PRKCZ: variants seen among roughly 807,000 people sequenced by gnomAD.
PRKCZ encodes protein kinase C zeta type.
In PRKCZ, 33 loss-of-function variants were observed where a neutral mutation model predicts 79.5. The ratio of observed to expected loss-of-function variants is 0.41; its 90% confidence interval spans 0.31 to 0.55. The LOEUF (loss-of-function observed/expected upper bound fraction) is 0.55, where lower values mean the gene tolerates loss of function less well. Ranked by LOEUF, PRKCZ falls within the 20% of genes least tolerant of loss-of-function variation. The pLI, the probability that PRKCZ is intolerant of heterozygous loss-of-function variation, is 0.19. For synonymous variants in PRKCZ, 342 were observed against 320.9 expected, an observed-to-expected ratio of 1.07 and a Z score of -0.70; for missense variants, 578 against 813.5, an observed-to-expected ratio of 0.71 and a Z score of 3.52.
intron 4 of PRKCZ, among the ~76,000 whole-genome samples, chr1:2,109,037 C>A (rs565663154): frequency 2.0e-5 from 3 of 152,206 alleles, no homozygotes; most frequent in Non-Finnish European, 4.4e-5. Flanking sequence ...ATACAGCCGC[C>A]CCCCCATCCC....
intron 3 of PRKCZ, 28 bp from the exon 4 acceptor site, chr1:2,059,513 A>T (rs776973656): frequency 3.1e-6 from 5 of 1,613,634 alleles, no homozygotes; most frequent in Non-Finnish European, 4.2e-6. Context: ...CAGGGTCTTG[A>T]CGCTGTCTCT....
intron 1 of PRKCZ, among the ~76,000 whole-genome samples, chr1:2,054,207 G>C (rs545668026): frequency 1.3e-5 from 2 of 152,354 alleles, no homozygotes; most frequent in South Asian, 4.1e-4. Flanking sequence ...TGTATCTCTG[G>C]TTGGGACATC....
chr1:2,176,248 G>A (rs554781923), intron 16 of PRKCZ, among the ~76,000 whole-genome samples: 5 of 152,288 alleles, frequency 3.3e-5, no homozygotes, highest in Middle Eastern at 3.4e-3. Flanking sequence ...GGAGGGGGCC[G>A]AATGTCCCGA....
intron 5 of PRKCZ, among the ~76,000 whole-genome samples, chr1:2,138,917 G>A (rs754127265): frequency 1.3e-5 from 2 of 152,224 alleles, no homozygotes; most frequent in Non-Finnish European, 2.9e-5. Flanking sequence ...GTGAGACTCC[G>A]TCTCAAATAA....
intron 4 of PRKCZ, among the ~76,000 whole-genome samples, chr1:2,104,365 G>A (rs1424074566): frequency 6.6e-6 from 1 of 152,230 alleles, no homozygotes; most frequent in Non-Finnish European, 1.5e-5. Flanking sequence ...GTTACGGCTG[G>A]TGGTTGGATA....
Position 2,064,977 on chromosome 1 carries a change from A to G in PRKCZ, c.334+5386A>G, listed in dbSNP as rs568185502. Among the ~76,000 whole-genome samples the G allele has an allele frequency of 3.2e-4, 48 of 152,326 alleles. No individual in the cohort carries two copies. The South Asian group carries it at 3.5e-3, about 11-fold the overall frequency. Reference sequence around the variant, plus strand: ...TTAACAGTATGAAGACTTCCAATCCATGAACTGAAGTGTGTTTCTGTTTGT... The same window carrying G: ...TTAACAGTATGAAGACTTCCAATCCGTGAACTGAAGTGTGTTTCTGTTTGT... On this transcript the variant is annotated intron_variant, in intron 4 of 17. Transcript: ENST00000378567.
intron 7 of PRKCZ, among the ~76,000 whole-genome samples, chr1:2,146,416 A>T (rs1678535057): frequency 6.6e-6 from 1 of 152,140 alleles, no homozygotes; most frequent in East Asian, 1.9e-4. Context: ...GGAGTTCTCG[A>T]AGGCACTTAG....
chr1:2,164,403 G>A (rs1220453091), intron 10 of PRKCZ, among the ~76,000 whole-genome samples: 1 of 152,230 alleles, frequency 6.6e-6, no homozygotes, highest in African/African-American at 2.4e-5. Context: ...GGGCCACACT[G>A]TGACTGTCGG....
chr1:2,159,831 G>A (rs1681856421), intron 10 of PRKCZ, among the ~76,000 whole-genome samples: 1 of 152,144 alleles, frequency 6.6e-6, no homozygotes, highest in South Asian at 2.1e-4. Flanking sequence ...ATTGAAATGA[G>A]CCATAAAGTC....
At chr1:2,069,743 T>A (rs898958619) in intron 4 of PRKCZ, among the ~76,000 whole-genome samples, 6 of 152,140 alleles carry the variant, frequency 3.9e-5, no homozygotes, top group Admixed American at 3.9e-4. Flanking sequence ...TGTTTCTAGA[T>A]GGCCGGGCCC....
chr1:2,173,903 G>A lies in PRKCZ; in HGVS notation c.1292G>A (p.Ser431Asn). The A allele has an allele frequency of 1.2e-6, 2 of 1,610,336 alleles. No individual in the cohort carries two copies. The highest frequency in any genetic ancestry group is 1.7e-6 in the Non-Finnish European group (2 of 1,177,966). Residue 431 changes from serine (S) to asparagine (N), a missense_variant, in exon 14 of 18, where the codon AGC (serine) becomes AAC (asparagine). This residue lies in a region of PRKCZ where 243 missense variants were observed against 467.0 expected (regional missense o/e 0.52). Coordinates refer to ENST00000378567, the MANE Select transcript of PRKCZ (RefSeq NM_002744.6). This position sits in a 1 kb window ranked among gnomAD's most constrained non-coding sequence, Gnocchi z 5.7. ...EILRGEEYGFSVDWWALGVLM... is the reference protein window; with the variant it reads ...EILRGEEYGFNVDWWALGVLM... ...GCTGTGTGCTCTCCCCCAGGGTTCA[G>A]CGTGGACTGGTGGGCGCTGGGAGTC...
intron 4 of PRKCZ, among the ~76,000 whole-genome samples, chr1:2,064,191 G>A (rs1270397119): frequency 6.6e-6 from 1 of 152,182 alleles, no homozygotes; most frequent in African/African-American, 2.4e-5. Context: ...GTCTTTTCGC[G>A]TCCTGTGTCC....
intron 1 of PRKCZ, among the ~76,000 whole-genome samples, chr1:2,053,137 G>T (rs1403954192): frequency 1.3e-5 from 2 of 148,604 alleles, no homozygotes; most frequent in Non-Finnish European, 3.0e-5. Context: ...TTTGAGTCTC[G>T]CTGTGTTGCC....
intron 4 of PRKCZ, among the ~76,000 whole-genome samples, chr1:2,089,165 G>A (rs1665045836): frequency 6.6e-6 from 1 of 152,200 alleles, no homozygotes; most frequent in Non-Finnish European, 1.5e-5. Context: ...GGTCAGCTCT[G>A]GTTTTAGAAC....
intron 1 of PRKCZ, among the ~76,000 whole-genome samples, chr1:2,051,792 C>T (rs1055409838): frequency 6.6e-6 from 1 of 152,136 alleles, no homozygotes; most frequent in Non-Finnish European, 1.5e-5. Context: ...CTTGGGGTCT[C>T]GGGTCAGCCA....
chr1:2,182,405 T>TCA lies in PRKCZ; in HGVS notation c.1576-2177_1576-2176insAC, dbSNP rs1572056624. 5 of 155,600 alleles carry TCA rather than the reference T, an allele frequency of 3.2e-5. No individual in the cohort carries two copies. The East Asian group carries it at 9.7e-4, about 30-fold the overall frequency. The allele number at this position is 155,600 out of a possible 1,614,324, so 9.6% of individuals were successfully genotyped here. A position where few individuals can be genotyped will look rare whatever the true frequency, so the allele number is the denominator to read the frequency against. ...GACTGGAGGGTCCTGAGGATGGGGG[T>TCA]CCCTGGGGTGCCATCATGGGCAGGG... On this transcript the variant is annotated intron_variant, in intron 16 of 17. Transcript: ENST00000378567.
At chr1:2,087,134 G>C (rs1664665625) in intron 4 of PRKCZ, among the ~76,000 whole-genome samples, 1 of 152,030 alleles carries the variant, frequency 6.6e-6, no homozygotes, top group Non-Finnish European at 1.5e-5. Flanking sequence ...CCAGGCTGGA[G>C]TGCAGTGGCG....
intron 16 of PRKCZ, among the ~76,000 whole-genome samples, chr1:2,179,376 C>CT (rs1481026691): frequency 5.3e-5 from 8 of 152,214 alleles, no homozygotes; most frequent in Admixed American, 1.3e-4. Context: ...GGCTGCCACT[C>CT]TAAGAGGGTC....
chr1:2,084,555 G>A (rs773714880), intron 4 of PRKCZ, among the ~76,000 whole-genome samples: 5 of 152,198 alleles, frequency 3.3e-5, no homozygotes, highest in Non-Finnish European at 5.9e-5. Context: ...ACCCGCCTGC[G>A]GTCCTGTGTG....
Sources: gnomAD v4.1 joint callset for allele counts (sites outside exome capture counted in the v4.1 genomes callset) on GRCh38, gnomAD v4.1.1 for gene constraint, gnomAD v4.1.1 regional missense constraint, Gnocchi (gnomAD v3.1) non-coding constraint, MANE v1.5 for transcripts, NCBI Gene and HGNC (gene_info 2026-07-23, HGNC 2026-07-21) for gene names.